The following CNN1 variants were observed in gnomAD, a reference collection of about 807,000 sequenced individuals.
The protein encoded by CNN1 is calponin-1.
In CNN1, 21 loss-of-function variants were observed where a neutral mutation model predicts 35.3. The ratio of observed to expected loss-of-function variants is 0.60; its 90% confidence interval spans 0.42 to 0.86. The LOEUF is 0.86. Ranked by LOEUF, CNN1 falls within the 40% of genes least tolerant of loss-of-function variation. The pLI, the probability that CNN1 is intolerant of heterozygous loss-of-function variation, is 0.00. For synonymous variants in CNN1, 164 were observed against 161.8 expected, an observed-to-expected ratio of 1.01 and a Z score of -0.10; for missense variants, 314 against 400.8, an observed-to-expected ratio of 0.78 and a Z score of 1.85.
chr19:11,547,067 G>GCGGGGGCCAGGGAT, intron 4 of CNN1, 98 bp downstream of exon 4: 1 of 1,549,292 alleles, frequency 6.5e-7, no homozygotes, highest in Non-Finnish European at 8.8e-7. Context: ...AGGTGGCGGA[G>GCGGGGGCCAGGGAT]CGGGGGGCAG....
chr19:11,544,585 C>T (rs1254990936), intron 2 of CNN1, among the ~76,000 whole-genome samples: 3 of 152,118 alleles, frequency 2.0e-5, no homozygotes, highest in Non-Finnish European at 4.4e-5. Flanking sequence ...GATCCTCCCA[C>T]CCCAGCCTCT....
At chr19:11,545,816 A>G (rs1268285001) in intron 2 of CNN1, among the ~76,000 whole-genome samples, 1 of 150,630 alleles carries the variant, frequency 6.6e-6, no homozygotes, top group African/African-American at 2.4e-5. Context: ...AAAAAAAAAA[A>G]AAAGCCAGGC....
intron 4 of CNN1, 26 bp downstream of exon 4, chr19:11,546,995 G>C (rs754603938): frequency 2.5e-6 from 4 of 1,610,970 alleles, no homozygotes; most frequent in Non-Finnish European, 3.4e-6. Flanking sequence ...GGCTGGGCAG[G>C]GGGTGGTGGG....
In CNN1 at chr19:11,538,903, C is replaced by T. The variant is rs2145023022; in HGVS notation, c.-25C>T. On this transcript the variant is annotated 5_prime_UTR_variant, in exon 1 of 7. Coordinates refer to ENST00000252456, the MANE Select transcript of CNN1 (RefSeq NM_001299.6). ...GTTCTCAGCGTCAGTGCCGCCACTG[C>T]CCCCGCCAGAGCCCACCGGCCAGCA... 3 of 1,528,668 alleles carry T rather than the reference C, an allele frequency of 2.0e-6. No homozygotes were observed. Among genetic ancestry groups the T allele is most frequent in the East Asian group, 2.5e-5 (1 of 40,570 alleles). The allele number at this position is 1,528,668 out of a possible 1,614,324, so 94.7% of individuals were successfully genotyped here.
At chr19:11,540,972 G>A in intron 1 of CNN1, 104 bp from the exon 2 acceptor site, 1 of 1,272,190 alleles carries the variant, frequency 7.9e-7, no homozygotes, top group Non-Finnish European at 1.1e-6. Flanking sequence ...GAAGGACGAG[G>A]GAGATCAGGC....
intron 3 of CNN1, 34 bp downstream of exon 3, chr19:11,546,775 C>T (rs774913019): frequency 1.8e-4 from 284 of 1,614,018 alleles, no homozygotes; most frequent in Non-Finnish European, 1.6e-4. Flanking sequence ...CATCCTTGCC[C>T]GCAAGCCCCT....
Position 11,546,866 on chromosome 19 carries a change from C to A in CNN1, c.287C>A (p.Thr96Asn). The A allele has an allele frequency of 6.2e-7, 1 of 1,614,246 alleles. No individual in the cohort carries two copies. The highest frequency in any genetic ancestry group is 8.5e-7 in the Non-Finnish European group (1 of 1,180,052). The change falls in exon 4 of 7, where the codon ACC becomes AAC. Residue 96 changes from threonine (T) to asparagine (N), a missense_variant. By Grantham distance (65) the Thr-to-Asn change is moderately conservative. Transcript: ENST00000252456. ...ATCGGCAACTTCATCAAGGCCATCA[C>A]CAAGTATGGGGTGAAGCCCCACGAC... ...ENIGNFIKAITKYGVKPHDIF... is the reference protein window; with the variant it reads ...ENIGNFIKAINKYGVKPHDIF...
intron 1 of CNN1, chr19:11,539,985 G>A: frequency 3.8e-6 from 4 of 1,064,000 alleles, no homozygotes; most frequent in Non-Finnish European, 4.6e-6. Flanking sequence ...TTATAAAGCC[G>A]GGCTGGTGGC....
At chr19:11,539,102 G>T in intron 1 of CNN1, 112 bp downstream of exon 1, 1 of 1,105,490 alleles carries the variant, frequency 9.0e-7, no homozygotes, top group South Asian at 2.1e-5. Context: ...TGGAAACTGA[G>T]AGGGGAAAAG....
chr19:11,544,754 C>T (rs1972544466), intron 2 of CNN1, among the ~76,000 whole-genome samples: 2 of 149,494 alleles, frequency 1.3e-5, no homozygotes, highest in East Asian at 2.0e-4. Flanking sequence ...CCTCCTGTCT[C>T]GGCTTCCCAA....
At chr19:11,544,615 T>C (rs1972539732) in intron 2 of CNN1, among the ~76,000 whole-genome samples, 1 of 151,320 alleles carries the variant, frequency 6.6e-6, no homozygotes, top group Non-Finnish European at 1.5e-5. Context: ...GCCTCCTCAG[T>C]AGCTGGAACT....
At chr19:11,545,944 C>T (rs1457221531) in intron 2 of CNN1, among the ~76,000 whole-genome samples, 5 of 149,688 alleles carry the variant, frequency 3.3e-5, no homozygotes, top group East Asian at 3.9e-4. Context: ...CCAGCCTGGG[C>T]GACAAAGCCA....
intron 2 of CNN1, among the ~76,000 whole-genome samples, chr19:11,542,739 C>A (rs924444436): frequency 6.6e-6 from 1 of 151,700 alleles, no homozygotes; most frequent in Non-Finnish European, 1.5e-5. Context: ...CCACGCCCAG[C>A]TAATTTTTGT....
chr19:11,539,350 C>A, intron 1 of CNN1: 1 of 1,080,364 alleles, frequency 9.3e-7, no homozygotes, highest in Non-Finnish European at 1.1e-6. Flanking sequence ...AATTGGGGAG[C>A]GCTTGAGTGC....
intron 1 of CNN1, 124 bp downstream of exon 1, chr19:11,539,114 G>C (rs1161212570): frequency 9.3e-7 from 1 of 1,077,514 alleles, no homozygotes. Context: ...GGGGAAAAGG[G>C]AGTGATATGG....
chr19:11,546,096 G>A (rs535576077), intron 2 of CNN1, among the ~76,000 whole-genome samples: 13 of 152,310 alleles, frequency 8.5e-5, no homozygotes, highest in African/African-American at 3.1e-4. Flanking sequence ...CTGCCAGTGA[G>A]GCTTCGGAGA....
At position 11,547,895 on chromosome 19, in the gene CNN1, C is replaced by A; in HGVS notation, c.489C>A (p.Ile163=). 1 of 1,613,594 alleles carries A rather than the reference C, an allele frequency of 6.2e-7. No individual in the cohort carries two copies. Among genetic ancestry groups the A allele is most frequent in the Non-Finnish European group, 8.5e-7 (1 of 1,179,734 alleles). ...EPGKLREGRN[I]IGLQMGTNKF... is the part of the protein sequence containing the mutation. ...GGAAGCTAAGAGAAGGGCGGAACAT[C>A]ATTGGGCTGCAGGTACCGCCCTGTC... Residue 163 remains isoleucine (I), a synonymous_variant, in exon 5 of 7, where the codon ATC becomes ATA. Coordinates refer to ENST00000252456, the MANE Select transcript of CNN1 (RefSeq NM_001299.6).
At chr19:11,540,564 CAG>C (rs1203615453) in intron 1 of CNN1, 1 of 153,424 alleles carries the variant, frequency 6.5e-6, no homozygotes, top group African/African-American at 2.4e-5. Flanking sequence ...CACCACTAAC[CAG>C]AGACAGAGCC....
chr19:11,544,671 T>G lies in CNN1; in HGVS notation c.186-2004T>G, dbSNP rs574320608. On this transcript the variant is annotated intron_variant, in intron 2 of 6. Transcript: ENST00000252456. ...CCGGTGAAGTTTTCGGGTTTTTTTT[T>G]TTTTTTTTTTTGTAGAGACACGGGT... Among the ~76,000 whole-genome samples, 196 of 148,362 alleles carry G rather than the reference T, an allele frequency of 1.3e-3. 1 individual carries two copies. The highest frequency in any genetic ancestry group is 4.6e-3 in the African/African-American group (186 of 40,256).
Sources: allele counts gnomAD v4.1 joint callset (sites outside exome capture counted in the v4.1 genomes callset), GRCh38; gene constraint gnomAD v4.1.1; transcripts MANE v1.5; gene names NCBI Gene and HGNC (gene_info 2026-07-23, HGNC 2026-07-21).